The following EHBP1 variants were observed in gnomAD, a reference collection of about 807,000 sequenced individuals.
EHBP1 encodes the protein EH domain binding protein 1.
EHBP1 carries 55 observed loss-of-function variants against 144.0 expected under a neutral mutation model. That is an observed-to-expected ratio of 0.38 (90% CI 0.31 to 0.48). The LOEUF (loss-of-function observed/expected upper bound fraction) is 0.48. Among genes scored for constraint, EHBP1 ranks in the 20% least tolerant of loss-of-function variants. The pLI is 0.98. For missense variants in EHBP1, 1,200 were observed against 1,364.2 expected, an observed-to-expected ratio of 0.88 and a Z score of 1.90; for synonymous variants, 469 against 472.7, an observed-to-expected ratio of 0.99 and a Z score of 0.10.
At chr2:62,793,331 G>A (rs1388494288) in intron 5 of EHBP1, among the ~76,000 whole-genome samples, 2 of 152,102 alleles carry the variant, frequency 1.3e-5, no homozygotes, top group East Asian at 1.9e-4. Context: ...GCTTTGAGGG[G>A]ACCTCCATTT....
chr2:62,930,964 G>C (rs79485873), intron 10 of EHBP1, among the ~76,000 whole-genome samples: 15,117 of 152,114 alleles, frequency 0.099, 953 homozygotes, highest in Non-Finnish European at 0.14. Flanking sequence ...TTGGATTTGG[G>C]AGTGATTTCT....
At chr2:62,851,837 G>A (rs1373955739) in intron 7 of EHBP1, among the ~76,000 whole-genome samples, 1 of 151,702 alleles carries the variant, frequency 6.6e-6, no homozygotes, top group African/African-American at 2.4e-5. Flanking sequence ...AGGATAAATG[G>A]TGGAAACTAC....
chr2:62,710,930 G>A (rs1482866872), intron 2 of EHBP1, among the ~76,000 whole-genome samples: 2 of 152,162 alleles, frequency 1.3e-5, no homozygotes, highest in South Asian at 2.1e-4. Context: ...TGACCATGGA[G>A]TGATATAGAG....
chr2:62,678,849 T>C (rs539276394), intron 1 of EHBP1, among the ~76,000 whole-genome samples: 9 of 152,332 alleles, frequency 5.9e-5, no homozygotes, highest in African/African-American at 1.9e-4. Context: ...AAATACTTTG[T>C]CTTTTTTATA....
intron 15 of EHBP1, among the ~76,000 whole-genome samples, chr2:62,989,079 T>C (rs1376937811): frequency 6.6e-6 from 1 of 152,148 alleles, no homozygotes. Flanking sequence ...AGTATACTTA[T>C]AATTGTGCAA....
chr2:62,861,625 C>G (rs979186608), intron 8 of EHBP1, among the ~76,000 whole-genome samples: 1 of 151,500 alleles, frequency 6.6e-6, no homozygotes, highest in Non-Finnish European at 1.5e-5. Flanking sequence ...ACCTATAATC[C>G]CAGCTGTTTG....
At chr2:62,939,853 G>A (rs1171676481) in intron 10 of EHBP1, 1 of 170,794 alleles carries the variant, frequency 5.9e-6, no homozygotes, top group African/African-American at 2.4e-5. Context: ...TTTCAGGCAT[G>A]ATGGAACCAC....
At chr2:62,918,451 A>G (rs1312300862) in intron 10 of EHBP1, among the ~76,000 whole-genome samples, 1 of 152,156 alleles carries the variant, frequency 6.6e-6, no homozygotes, top group Admixed American at 6.5e-5. Flanking sequence ...CGGCATCACA[A>G]TATATTAAAT....
chr2:63,018,377 G>A (rs774964124), intron 19 of EHBP1, among the ~76,000 whole-genome samples: 31 of 152,022 alleles, frequency 2.0e-4, no homozygotes, highest in Non-Finnish European at 3.5e-4. Context: ...GTTGCTATCT[G>A]TATTTCATTA....
intron 4 of EHBP1, among the ~76,000 whole-genome samples, chr2:62,769,874 G>T (rs1199295482): frequency 6.7e-6 from 1 of 150,300 alleles, no homozygotes; most frequent in Non-Finnish European, 1.5e-5. Context: ...CCACACACCT[G>T]CAACTATCTC....
intron 5 of EHBP1, among the ~76,000 whole-genome samples, chr2:62,821,119 G>A (rs925788910): frequency 6.6e-6 from 1 of 151,912 alleles, no homozygotes. Flanking sequence ...AACAGTCTAT[G>A]TAATAAAGCC....
At chr2:62,699,716 T>C (rs138085923) in intron 1 of EHBP1, among the ~76,000 whole-genome samples, 214 of 152,366 alleles carry the variant, frequency 1.4e-3, no homozygotes, top group African/African-American at 5.1e-3. Context: ...ACACACTGAA[T>C]GTCCACACTT....
At chr2:62,923,627 C>A (rs1384468719) in intron 10 of EHBP1, among the ~76,000 whole-genome samples, 1 of 152,172 alleles carries the variant, frequency 6.6e-6, no homozygotes, top group East Asian at 1.9e-4. Flanking sequence ...CAAGGAGCTC[C>A]CAGGCTGCCT....
chr2:62,942,669 A>G (rs2056828105), intron 10 of EHBP1, 49 bp from the exon 11 acceptor site: 1 of 1,488,132 alleles, frequency 6.7e-7, no homozygotes, highest in African/African-American at 1.4e-5. Context: ...GTTAATTTTC[A>G]TCTTCCATTA....
At chr2:62,758,089 A>G (rs1006656661) in intron 3 of EHBP1, among the ~76,000 whole-genome samples, 2 of 152,030 alleles carry the variant, frequency 1.3e-5, no homozygotes, top group African/African-American at 2.4e-5. Context: ...TTGGAGCTAA[A>G]TATACTAGGA....
In EHBP1 at chr2:62,747,436, G is replaced by A; in HGVS notation, c.146G>A (p.Arg49Gln). The change falls in exon 3 of 23, where the codon CGA becomes CAA. Residue 49 changes from arginine to glutamine, a missense_variant. Arg to Gln is a conservative substitution (Grantham distance 43). Coordinates refer to ENST00000431489, the MANE Select transcript of EHBP1 (RefSeq NM_001142616.3). ...GTGGTAGTTTGGACCAGAAGAAGCC[G>A]AAGGAAGTCTTCTAAGGTTAGTGTA... ...KLVVVWTRRSRRKSSKAHSWQ... is the reference protein window; with the variant it reads ...KLVVVWTRRSQRKSSKAHSWQ... 1.9e-6 allele frequency: 3 copies of A among 1,609,362 alleles called. No individual in the cohort carries two copies. The highest frequency in any genetic ancestry group is 2.5e-6 in the Non-Finnish European group (3 of 1,177,554).
intron 4 of EHBP1, among the ~76,000 whole-genome samples, chr2:62,769,369 C>T (rs1573240879): frequency 6.6e-6 from 1 of 152,172 alleles, no homozygotes; most frequent in Admixed American, 6.5e-5. Context: ...CAACAAAAGC[C>T]AATCCGAGAG....
intron 7 of EHBP1, among the ~76,000 whole-genome samples, chr2:62,857,357 C>T (rs1205947407): frequency 2.0e-5 from 3 of 151,840 alleles, no homozygotes; most frequent in South Asian, 2.1e-4. Context: ...TTTTTGTGTC[C>T]GAAGAATAGG....
chr2:63,042,509 C>A (rs996031171), intron 21 of EHBP1, among the ~76,000 whole-genome samples: 1 of 151,914 alleles, frequency 6.6e-6, no homozygotes, highest in African/African-American at 2.4e-5. Context: ...ATTTTAAAAA[C>A]CTATAAATTT....
Sources: allele counts gnomAD v4.1 joint callset (sites outside exome capture counted in the v4.1 genomes callset), GRCh38; gene constraint gnomAD v4.1.1; transcripts MANE v1.5; gene names NCBI Gene and HGNC (gene_info 2026-07-23, HGNC 2026-07-21).